Variants in MYSM1 observed in about 807,000 individuals in gnomAD.
MYSM1 encodes deubiquitinase MYSM1.
A neutral mutation model predicts 116.0 loss-of-function variants in MYSM1; 51 were observed. The observed-to-expected ratio is 0.44, with a 90% CI of 0.35 to 0.56. The LOEUF (loss-of-function observed/expected upper bound fraction) is 0.56. MYSM1 is among the 20% of genes least tolerant of loss of function. The pLI, the probability that MYSM1 is intolerant of heterozygous loss-of-function variation, is 0.00. For missense variants in MYSM1, 900 were observed against 974.9 expected (o/e 0.92, Z 1.02); for synonymous variants, 313 against 315.2 (o/e 0.99, Z 0.07).
chr1:58,677,103 G>GA (rs745871818), intron 8 of MYSM1, 47 bp from the exon 9 acceptor site: 1 of 1,517,950 alleles, frequency 6.6e-7, no homozygotes, highest in Admixed American at 2.2e-5. Flanking sequence ...ATAAAAACGT[G>GA]AAAAAAGATT....
chr1:58,689,706 G>C (rs1247073690), intron 5 of MYSM1: 1 of 153,054 alleles, frequency 6.5e-6, no homozygotes, highest in Non-Finnish European at 1.5e-5. Context: ...GCAAAAGGCT[G>C]CTCAGTACTC....
chr1:58,697,856 T>C (rs1181349310), intron 1 of MYSM1, among the ~76,000 whole-genome samples: 1 of 151,556 alleles, frequency 6.6e-6, no homozygotes, highest in Non-Finnish European at 1.5e-5. Context: ...CCCAAAGTGC[T>C]GGGATTACAG....
intron 10 of MYSM1, among the ~76,000 whole-genome samples, chr1:58,674,899 C>G (rs1470647265): frequency 6.7e-6 from 1 of 149,132 alleles, no homozygotes; most frequent in Non-Finnish European, 1.5e-5. Flanking sequence ...CATACTCTAG[C>G]CTGGGTGACA....
chr1:58,691,201 A>C (rs1481306224), intron 3 of MYSM1, among the ~76,000 whole-genome samples: 1 of 139,394 alleles, frequency 7.2e-6, no homozygotes, highest in African/African-American at 2.6e-5. Context: ...AATGGAGTGA[A>C]CCTGGAAGGC....
intron 1 of MYSM1, among the ~76,000 whole-genome samples, chr1:58,697,651 G>T (rs113841209): frequency 6.6e-6 from 1 of 151,170 alleles, no homozygotes. Context: ...GGGCAATGGC[G>T]CGATCTCGGC....
At chr1:58,674,039 G>T (rs1353591687) in intron 10 of MYSM1, among the ~76,000 whole-genome samples, 2 of 151,808 alleles carry the variant, frequency 1.3e-5, no homozygotes, top group Non-Finnish European at 2.9e-5. Context: ...AAAATTTTGG[G>T]TTTTTTTTGA....
At chr1:58,695,106 T>G (rs1233297366) in intron 2 of MYSM1, 23 bp downstream of exon 2, 73 of 1,479,944 alleles carry the variant, frequency 4.9e-5, no homozygotes, top group Non-Finnish European at 6.7e-5. Context: ...TTAATGCACC[T>G]GATATTTTTA....
chr1:58,689,254 A>C (rs1005740894), intron 5 of MYSM1, 138 bp from the exon 6 acceptor site: 1 of 634,300 alleles, frequency 1.6e-6, no homozygotes, highest in Non-Finnish European at 2.6e-6. Flanking sequence ...AACAAACAAA[A>C]CAAGAAGGCT....
intron 6 of MYSM1, among the ~76,000 whole-genome samples, chr1:58,687,046 C>T (rs886239373): frequency 1.3e-5 from 2 of 151,820 alleles, no homozygotes; most frequent in Admixed American, 1.3e-4. Flanking sequence ...GAGTCCCATG[C>T]CCAAAAAAGG....
chr1:58,692,783 T>A, intron 3 of MYSM1, 78 bp downstream of exon 3: 1 of 984,878 alleles, frequency 1.0e-6, no homozygotes, highest in Middle Eastern at 2.1e-4. Context: ...TAGTAAACAG[T>A]GGCCTCTTGT....
rs369888857 is a variant in MYSM1 at position 58,667,209 on chromosome 1, T to C, written c.1860A>G (p.Pro620=). 14 of 1,595,496 alleles carry C rather than the reference T, an allele frequency of 8.8e-6. No individual in the cohort carries two copies. The highest frequency in any genetic ancestry group is 1.1e-5 in the South Asian group (1 of 87,774). Residue 620 remains proline (P), a synonymous_variant, in exon 16 of 20, where the codon CCA becomes CCG. Transcript: ENST00000472487. ...GTAGTCCTGTACTCAGACTGTTACATGGTTCTGCTGCACAGACCTATAAAC... is the reference window on the plus strand; with the variant it reads ...GTAGTCCTGTACTCAGACTGTTACACGGTTCTGCTGCACAGACCTATAAAC... The part of the protein sequence containing the change: ...DKVVEVCAAE[P]CNSLSTGLQC...
chr1:58,687,406 T>C (rs1443129068), intron 6 of MYSM1, among the ~76,000 whole-genome samples: 1 of 152,164 alleles, frequency 6.6e-6, no homozygotes, highest in Non-Finnish European at 1.5e-5. Flanking sequence ...AGGAACCTTT[T>C]GAATTTTAAA....
intron 9 of MYSM1, 53 bp downstream of exon 9, chr1:58,676,873 C>G (rs1644660812): frequency 2.5e-6 from 4 of 1,579,790 alleles, no homozygotes; most frequent in Non-Finnish European, 3.4e-6. Context: ...TGAATAAGTG[C>G]TGTAAGGATA....
chr1:58,697,456 T>C (rs184743985), intron 1 of MYSM1, among the ~76,000 whole-genome samples: 4 of 152,120 alleles, frequency 2.6e-5, no homozygotes, highest in Non-Finnish European at 4.4e-5. Context: ...CAAAGAGAAG[T>C]TGAAGTCTTA....
At position 58,669,857 on chromosome 1, in the gene MYSM1, A is replaced by AAAAAAC. The variant is rs1644533593; in HGVS notation, c.1662-825_1662-820dup. 2.9e-4 allele frequency among the ~76,000 whole-genome samples: 25 copies of AAAAAAC among 86,064 alleles called. 7 individuals carry two copies. The highest frequency in any genetic ancestry group is 3.2e-4 in the Non-Finnish European group (14 of 44,100). 56.5% of individuals were successfully genotyped at this position (86,064 alleles called of 152,430 possible). ...TCTCCAAAAAAAAAAAAAAAAAAAA[A>AAAAAAC]AAAAACAAAAAAGTGAAAAAGTAAA... On this transcript the variant is annotated intron_variant, in intron 12 of 19. Transcript: ENST00000472487.
intron 19 of MYSM1, 48 bp from the exon 20 acceptor site, chr1:58,660,203 G>T: frequency 1.6e-6 from 2 of 1,263,494 alleles, no homozygotes; most frequent in South Asian, 1.9e-5. Flanking sequence ...AAAGTATGAG[G>T]GTTTGCATTA....
intron 8 of MYSM1, among the ~76,000 whole-genome samples, chr1:58,678,460 G>A (rs1311868831): frequency 6.6e-6 from 1 of 152,052 alleles, no homozygotes; most frequent in African/African-American, 2.4e-5. Flanking sequence ...AAATGGTAAG[G>A]ACTCTAAAAA....
At position 58,658,047 on chromosome 1, in the gene MYSM1, G is replaced by C. The variant is rs567188644; in HGVS notation, c.*1950C>G. 2 of 152,252 alleles carry C rather than the reference G, an allele frequency of 1.3e-5. No individual in the cohort carries two copies. The highest frequency in any genetic ancestry group is 2.9e-5 in the Non-Finnish European group (2 of 68,010). The allele number at this position is 152,252 out of a possible 1,614,324, so 9.4% of individuals were successfully genotyped here. ...GGTCAAAAGGAAGATGAGTACAAAG[G>C]AATCAATCACTGCCTTTCACAGAAT... is the stretch of plus-strand genomic sequence containing the variant. On this transcript the variant is annotated 3_prime_UTR_variant, in exon 20 of 20. Transcript: ENST00000472487.
Position 58,654,826 on chromosome 1 carries a change from GAT to G in MYSM1, c.*5169_*5170del, listed in dbSNP as rs1433213234. The stretch of plus-strand genomic sequence containing the variant: ...AACAAAATCCAAAAGCTTAAAATCA[GAT>G]ATCTTATAATGTGTCACAATTAAGT... On this transcript the variant is annotated 3_prime_UTR_variant, in exon 20 of 20. Coordinates refer to ENST00000472487, the MANE Select transcript of MYSM1 (RefSeq NM_001085487.3). 1 of 151,948 alleles carries G rather than the reference GAT, an allele frequency of 6.6e-6. No homozygotes were observed. Among genetic ancestry groups the G allele is most frequent in the African/African-American group, 2.4e-5 (1 of 41,436 alleles). 9.4% of individuals were successfully genotyped at this position (151,948 alleles called of 1,614,324 possible). A position where few individuals can be genotyped will look rare whatever the true frequency, so the allele number is the denominator to read the frequency against.
Sources: gnomAD v4.1 joint callset for allele counts (sites outside exome capture counted in the v4.1 genomes callset) on GRCh38, gnomAD v4.1.1 for gene constraint, MANE v1.5 for transcripts, NCBI Gene and HGNC (gene_info 2026-07-23, HGNC 2026-07-21) for gene names.